DAB2IP: variants seen among roughly 807,000 people sequenced by gnomAD.
The protein encoded by DAB2IP is disabled homolog 2-interacting protein.
DAB2IP carries 28 observed loss-of-function variants against 107.2 expected under a neutral mutation model. The observed-to-expected ratio is 0.26, with a 90% confidence interval of 0.19 to 0.36. The LOEUF (loss-of-function observed/expected upper bound fraction) is 0.36. DAB2IP is among the 10% of genes least tolerant of loss of function. The probability of loss-of-function intolerance (pLI) is 1.00; values close to 1 mark genes in which losing one functional copy is unlikely to be tolerated. For missense variants in DAB2IP, 1,400 were observed against 1,644.7 expected (o/e 0.85, Z 2.57); for synonymous variants, 755 against 706.4 (o/e 1.07, Z -1.09).
intron 1 of DAB2IP, among the ~76,000 whole-genome samples, chr9:121,665,832 G>A (rs1267771637): frequency 3.3e-5 from 5 of 152,174 alleles, no homozygotes; most frequent in Non-Finnish European, 7.3e-5. Context: ...GGAGAGATGG[G>A]AGCCCTTGAA....
rs988243564 is a variant in DAB2IP at position 121,782,911 on chromosome 9, T to G, written c.*413T>G. 1 of 1,028,918 alleles carries G rather than the reference T, an allele frequency of 9.7e-7. No individual in the cohort carries two copies. The highest frequency in any genetic ancestry group is 1.2e-6 in the Non-Finnish European group (1 of 856,998). 63.7% of individuals were successfully genotyped at this position (1,028,918 alleles called of 1,614,324 possible). On this transcript the variant is annotated 3_prime_UTR_variant, in exon 16 of 16. Transcript: ENST00000408936. The surrounding 1 kb of genome is among the most constrained non-coding windows in gnomAD (Gnocchi z 6.1). ...GATTCAAGGGCTAGGGGCCTACACC[T>G]GTGGCTTCCCCTCGCCTCCTTGGGG...
At chr9:121,722,021 G>T (rs1376875722) in intron 3 of DAB2IP, among the ~76,000 whole-genome samples, 2 of 152,234 alleles carry the variant, frequency 1.3e-5, no homozygotes, top group African/African-American at 4.8e-5. Context: ...CATCCCTCCA[G>T]TCAGCAGCGT....
chr9:121,690,721 A>G (rs1829120761), intron 2 of DAB2IP, among the ~76,000 whole-genome samples: 1 of 152,090 alleles, frequency 6.6e-6, no homozygotes, highest in Non-Finnish European at 1.5e-5. Context: ...ACCCTCTTCA[A>G]ATCTGGGCTC....
In DAB2IP at chr9:121,699,579, G is replaced by C. The variant is rs1004450043; in HGVS notation, c.362+121G>C. 1.3e-5 allele frequency: 12 copies of C among 917,742 alleles called. No homozygotes were observed. The highest frequency in any genetic ancestry group is 1.6e-5 in the Non-Finnish European group (12 of 733,658). 56.8% of individuals were successfully genotyped at this position (917,742 alleles called of 1,614,324 possible). On this transcript the variant is annotated intron_variant, in intron 3 of 15. Transcript: ENST00000408936. This position sits in a 1 kb window ranked among gnomAD's most constrained non-coding sequence, Gnocchi z 6.2. Reference sequence around the variant, plus strand: ...CCACACGGCGGTGGGGGGACCCCACGCCGCCCGCCGGGAACTTATGGGGCC... The same window carrying C: ...CCACACGGCGGTGGGGGGACCCCACCCCGCCCGCCGGGAACTTATGGGGCC...
intron 3 of DAB2IP, among the ~76,000 whole-genome samples, chr9:121,754,861 G>A (rs1215022684): frequency 1.3e-5 from 2 of 152,174 alleles, no homozygotes; most frequent in Non-Finnish European, 2.9e-5. Context: ...CCCCAGGCAG[G>A]AGGCGGCCTC....
At chr9:121,637,957 C>T (rs968698315) in intron 1 of DAB2IP, among the ~76,000 whole-genome samples, 20 of 152,084 alleles carry the variant, frequency 1.3e-4, no homozygotes, top group East Asian at 9.6e-4. Flanking sequence ...CCCAGGGGTC[C>T]GAGGGGCTCT....
At chr9:121,607,906 C>T (rs1049451953) in intron 1 of DAB2IP, among the ~76,000 whole-genome samples, 7 of 152,320 alleles carry the variant, frequency 4.6e-5, no homozygotes, top group South Asian at 2.1e-4. Context: ...GGCTGTTTGC[C>T]GGGAGCAGCA....
chr9:121,747,935 A>G (rs1832831605), intron 3 of DAB2IP, among the ~76,000 whole-genome samples: 1 of 151,892 alleles, frequency 6.6e-6, no homozygotes, highest in South Asian at 2.1e-4. Flanking sequence ...AAACTCCATT[A>G]GGCTTGCACA....
chr9:121,776,497 T>C lies in DAB2IP; in HGVS notation c.3314+106T>C. The C allele has an allele frequency of 8.0e-7, 1 of 1,251,910 alleles. No individual in the cohort carries two copies. Among genetic ancestry groups the C allele is most frequent in the Non-Finnish European group, 1.1e-6 (1 of 924,370 alleles). The allele number at this position is 1,251,910 out of a possible 1,614,324, so 77.6% of individuals were successfully genotyped here. On this transcript the variant is annotated intron_variant, in intron 14 of 15. Coordinates refer to ENST00000408936, the Ensembl canonical transcript of DAB2IP. This position sits in a 1 kb window ranked among gnomAD's most constrained non-coding sequence, Gnocchi z 5.4. ...GAGCCTCCTCAAAGGATAAGCTGAA[T>C]GTGGAGAGAGGAGGGAAGAGAGTGT...
At chr9:121,595,020 G>A (rs1233013183) in intron 1 of DAB2IP, among the ~76,000 whole-genome samples, 1 of 152,100 alleles carries the variant, frequency 6.6e-6, no homozygotes, top group East Asian at 1.9e-4. Flanking sequence ...GTGCTTGGGC[G>A]GGGGCAGTCT....
chr9:121,571,751 C>T (rs1428436813), intron 1 of DAB2IP, among the ~76,000 whole-genome samples: 1 of 151,974 alleles, frequency 6.6e-6, no homozygotes, highest in African/African-American at 2.4e-5. Context: ...TCTTAGCAGG[C>T]AGGACTGAGC....
intron 1 of DAB2IP, among the ~76,000 whole-genome samples, chr9:121,632,832 A>T (rs2777312): frequency 6.6e-6 from 1 of 151,658 alleles, no homozygotes; most frequent in African/African-American, 2.4e-5. Flanking sequence ...CCTGAAGAGG[A>T]ATGCGGTGGG....
At chr9:121,733,948 A>G (rs1328771392) in intron 3 of DAB2IP, among the ~76,000 whole-genome samples, 1 of 152,252 alleles carries the variant, frequency 6.6e-6, no homozygotes, top group Non-Finnish European at 1.5e-5. Context: ...GGCGAGGCCC[A>G]AGGCTCTGGA....
At chr9:121,626,273 G>T (rs998533902) in intron 1 of DAB2IP, among the ~76,000 whole-genome samples, 2 of 151,886 alleles carry the variant, frequency 1.3e-5, no homozygotes, top group African/African-American at 4.8e-5. Flanking sequence ...ATATATTCAG[G>T]ACACAGACTG....
chr9:121,772,854 G>C lies in DAB2IP; in HGVS notation c.2326G>C (p.Ala776Pro), dbSNP rs1372571984. The C allele has an allele frequency of 2.5e-6, 4 of 1,596,004 alleles. No homozygotes were observed. The East Asian group carries it at 9.0e-5, about 36-fold the overall frequency. ...CGACGTCCTCCCCACAGATGGGCAG[G>C]CCGCTGCAGCTCAGCTGGTGGCCGG... Residue 776 changes from alanine (A) to proline (P), a missense_variant, in exon 12 of 16, where the codon GCC becomes CCC. By Grantham distance (27) the Ala-to-Pro change is conservative (BLOSUM62 -1). Transcript: ENST00000408936. This position sits in a 1 kb window ranked among gnomAD's most constrained non-coding sequence, Gnocchi z 4.7.
intron 1 of DAB2IP, among the ~76,000 whole-genome samples, chr9:121,618,293 G>A (rs751540749): frequency 6.6e-6 from 1 of 152,200 alleles, no homozygotes. Context: ...GAAGGAGGGA[G>A]CAGACACAGG....
At chr9:121,594,449 C>T (rs1037382689) in intron 1 of DAB2IP, among the ~76,000 whole-genome samples, 1 of 152,008 alleles carries the variant, frequency 6.6e-6, no homozygotes, top group Non-Finnish European at 1.5e-5. Context: ...GTTGACCAGG[C>T]TGGTCTCGAA....
intron 3 of DAB2IP, among the ~76,000 whole-genome samples, chr9:121,707,521 C>T (rs1308266585): frequency 6.6e-6 from 1 of 152,200 alleles, no homozygotes; most frequent in African/African-American, 2.4e-5. Flanking sequence ...TCCTGCCTGT[C>T]GCCCTAACTT....
At chr9:121,677,572 C>A (rs1333120930) in intron 1 of DAB2IP, among the ~76,000 whole-genome samples, 8 of 152,086 alleles carry the variant, frequency 5.3e-5, no homozygotes, top group Non-Finnish European at 1.2e-4. Flanking sequence ...GTGTGGCATC[C>A]CAGGAGATGG....
Sources: gnomAD v4.1 joint callset for allele counts (sites outside exome capture counted in the v4.1 genomes callset) on GRCh38, gnomAD v4.1.1 for gene constraint, Gnocchi (gnomAD v3.1) non-coding constraint, MANE v1.5 for transcripts, NCBI Gene and HGNC (gene_info 2026-07-23, HGNC 2026-07-21) for gene names.